FGGY: variants seen among roughly 807,000 people sequenced by gnomAD.
The protein encoded by FGGY is FGGY carbohydrate kinase domain containing.
A neutral mutation model predicts 71.3 loss-of-function variants in FGGY; 72 were observed. That is an observed-to-expected ratio of 1.01 (90% CI 0.84 to 1.23). The LOEUF is 1.23. FGGY is among the 50% of genes most tolerant of loss of function. The pLI is 0.00. For synonymous variants in FGGY, 251 were observed against 250.3 expected (o/e 1.00, Z -0.02); for missense variants, 668 against 682.3 (o/e 0.98, Z 0.23).
intron 1 of FGGY, among the ~76,000 whole-genome samples, chr1:59,304,504 A>G (rs942381962): frequency 3.9e-5 from 6 of 151,934 alleles, no homozygotes; most frequent in Non-Finnish European, 8.8e-5. Flanking sequence ...GGGAAGTGTG[A>G]TGTCTCCAGC....
chr1:59,534,853 A>T (rs1311341607), intron 7 of FGGY, among the ~76,000 whole-genome samples: 1 of 152,196 alleles, frequency 6.6e-6, no homozygotes, highest in Non-Finnish European at 1.5e-5. Flanking sequence ...GAAAGGAAAA[A>T]CCAGTACCAG....
At chr1:59,400,891 CCT>C (rs780487628) in intron 5 of FGGY, among the ~76,000 whole-genome samples, 1 of 152,072 alleles carries the variant, frequency 6.6e-6, no homozygotes, top group Non-Finnish European at 1.5e-5. Context: ...CCCTCCTCAG[CCT>C]CTCAGAGTGC....
intron 8 of FGGY, among the ~76,000 whole-genome samples, chr1:59,587,817 CA>C (rs1350597982): frequency 6.6e-6 from 1 of 152,028 alleles, no homozygotes; most frequent in Non-Finnish European, 1.5e-5. Flanking sequence ...CATCAAAGAC[CA>C]AAAGTAGATA....
intron 8 of FGGY, among the ~76,000 whole-genome samples, chr1:59,570,457 A>C (rs1346017870): frequency 1.3e-5 from 2 of 152,178 alleles, no homozygotes; most frequent in Non-Finnish European, 1.5e-5. Context: ...CTTTATCTCC[A>C]TCCTTTCAAA....
intron 11 of FGGY, among the ~76,000 whole-genome samples, chr1:59,649,256 C>G (rs1349619717): frequency 6.2e-5 from 9 of 145,222 alleles, no homozygotes; most frequent in Non-Finnish European, 1.1e-4. Flanking sequence ...TCCATATGAA[C>G]TTTAAAGTAG....
chr1:59,699,211 C>G (rs890381425), intron 14 of FGGY: 1 of 985,210 alleles, frequency 1.0e-6, no homozygotes, highest in Non-Finnish European at 1.2e-6. Context: ...AAGAACAGTT[C>G]TGAGATTTTT....
chr1:59,742,272 A>C (rs909479333), intron 14 of FGGY, among the ~76,000 whole-genome samples: 1 of 152,116 alleles, frequency 6.6e-6, no homozygotes, highest in African/African-American at 2.4e-5. Context: ...AATTCCACCA[A>C]AATCATGCTG....
intron 5 of FGGY, among the ~76,000 whole-genome samples, chr1:59,450,876 T>G (rs527772081): frequency 7.2e-5 from 11 of 152,190 alleles, no homozygotes; most frequent in Admixed American, 2.0e-4. Flanking sequence ...TTGTATTTGT[T>G]GTAGAACATT....
At chr1:59,630,967 T>C (rs2096903025) in intron 10 of FGGY, among the ~76,000 whole-genome samples, 1 of 152,196 alleles carries the variant, frequency 6.6e-6, no homozygotes, top group Admixed American at 6.5e-5. Context: ...CCTTGCCCAC[T>C]GCAGTTTGAA....
At chr1:59,462,095 C>T (rs535208159) in intron 6 of FGGY, among the ~76,000 whole-genome samples, 13 of 151,598 alleles carry the variant, frequency 8.6e-5, no homozygotes, top group East Asian at 1.9e-4. Context: ...TTTGTCCTTG[C>T]GATAGTTTAC....
chr1:59,711,535 A>G (rs1260102850), intron 14 of FGGY, among the ~76,000 whole-genome samples: 1 of 152,220 alleles, frequency 6.6e-6, no homozygotes, highest in Non-Finnish European at 1.5e-5. Flanking sequence ...TGTGCATTGC[A>G]CGGGTGTATT....
At chr1:59,566,916 A>G (rs760545480) in intron 8 of FGGY, among the ~76,000 whole-genome samples, 18 of 152,174 alleles carry the variant, frequency 1.2e-4, no homozygotes, top group Non-Finnish European at 2.6e-4. Context: ...GGATGATACT[A>G]GTGTGTGGTC....
intron 11 of FGGY, among the ~76,000 whole-genome samples, chr1:59,657,266 T>C (rs2097227785): frequency 6.6e-6 from 1 of 152,200 alleles, no homozygotes; most frequent in South Asian, 2.1e-4. Flanking sequence ...CCAAATCTGG[T>C]CTTCAGGAGT....
intron 14 of FGGY, among the ~76,000 whole-genome samples, chr1:59,748,797 T>C (rs2098221388): frequency 6.6e-6 from 1 of 152,202 alleles, no homozygotes; most frequent in Non-Finnish European, 1.5e-5. Context: ...TTCACTTTTA[T>C]GGAGCTTAGA....
intron 14 of FGGY, among the ~76,000 whole-genome samples, chr1:59,711,695 T>C (rs1226567026): frequency 1.3e-5 from 2 of 152,166 alleles, no homozygotes; most frequent in African/African-American, 4.8e-5. Flanking sequence ...CAAGCAAAGA[T>C]AGAGCTTGTG....
At chr1:59,416,706 A>C (rs1249236797) in intron 5 of FGGY, among the ~76,000 whole-genome samples, 1 of 152,264 alleles carries the variant, frequency 6.6e-6, no homozygotes, top group Middle Eastern at 3.4e-3. Context: ...TTCTCCTTTG[A>C]TGCTGGAAGA....
intron 5 of FGGY, among the ~76,000 whole-genome samples, chr1:59,420,761 C>T (rs2065258922): frequency 6.6e-6 from 1 of 152,028 alleles, no homozygotes; most frequent in Non-Finnish European, 1.5e-5. Flanking sequence ...TTGCTGAGAT[C>T]TCTGAAGACT....
At chr1:59,536,497 G>A (rs2095318192) in intron 7 of FGGY, among the ~76,000 whole-genome samples, 3 of 152,174 alleles carry the variant, frequency 2.0e-5, no homozygotes, top group Admixed American at 2.0e-4. Context: ...GCATCATCCT[G>A]ATACCAAAGC....
intron 5 of FGGY, among the ~76,000 whole-genome samples, chr1:59,450,607 T>C (rs111488574): frequency 3.3e-5 from 5 of 152,278 alleles, no homozygotes; most frequent in African/African-American, 1.2e-4. Context: ...ATTACTCTTA[T>C]AGTTTACATG....
Sources: allele counts gnomAD v4.1 joint callset (sites outside exome capture counted in the v4.1 genomes callset), GRCh38; gene constraint gnomAD v4.1.1; transcripts MANE v1.5; gene names NCBI Gene and HGNC (gene_info 2026-07-23, HGNC 2026-07-21).